The following GALR1 variants were observed in gnomAD, a reference collection of about 807,000 sequenced individuals.
The protein encoded by GALR1 is galanin receptor 1, also known as galanin receptor type 1.
A neutral mutation model predicts 17.9 loss-of-function variants in GALR1; 11 were observed. That is an observed-to-expected ratio of 0.62 (90% confidence interval 0.39 to 1.02). The LOEUF (loss-of-function observed/expected upper bound fraction) is 1.02, where lower values mean the gene tolerates loss of function less well. Among genes scored for constraint, GALR1 ranks in the 50% least tolerant of loss-of-function variants. The pLI is 0.01. For synonymous variants in GALR1, 206 were observed against 205.7 expected (o/e 1.00, Z -0.01); for missense variants, 441 against 456.9 (o/e 0.97, Z 0.32).
chr18:77,252,138 C>CT (rs1478651298), intron 1 of GALR1, among the ~76,000 whole-genome samples: 1 of 152,068 alleles, frequency 6.6e-6, no homozygotes, highest in Non-Finnish European at 1.5e-5. Context: ...CACTCACATT[C>CT]TTTTTCTCAT....
At chr18:77,267,586 G>C (rs1329831562) in intron 2 of GALR1, among the ~76,000 whole-genome samples, 1 of 152,214 alleles carries the variant, frequency 6.6e-6, no homozygotes, top group Non-Finnish European at 1.5e-5. Context: ...ACTTGTTAGA[G>C]AACCATCTGT....
Position 77,277,022 on chromosome 18 carries a change from T to C in GALR1, c.*8120T>C, listed in dbSNP as rs2144974531. On this transcript the variant is annotated 3_prime_UTR_variant, in exon 3 of 3. Transcript: ENST00000299727. ...TAAAATAGTACTCAAAATTGTTAGA[T>C]GTGAAGTTTTGAACCCAGTGTTTAA... The C allele has an allele frequency of 6.6e-6, 1 of 152,350 alleles. No homozygotes were observed. The highest frequency in any genetic ancestry group is 2.4e-5 in the African/African-American group (1 of 41,588). 9.4% of individuals were successfully genotyped at this position (152,350 alleles called of 1,614,324 possible). A position where few individuals can be genotyped will look rare whatever the true frequency, so the allele number is the denominator to read the frequency against.
At chr18:77,255,070 A>C (rs1484466478) in intron 1 of GALR1, among the ~76,000 whole-genome samples, 1 of 152,224 alleles carries the variant, frequency 6.6e-6, no homozygotes, top group Non-Finnish European at 1.5e-5. Flanking sequence ...CAATTCGATT[A>C]AATTATTTCC....
chr18:77,253,128 C>T (rs567688323), intron 1 of GALR1, among the ~76,000 whole-genome samples: 15 of 151,770 alleles, frequency 9.9e-5, no homozygotes, highest in African/African-American at 2.2e-4. Flanking sequence ...GGTTTATTAA[C>T]GTGGTCTTCC....
At position 77,251,117 on chromosome 18, in the gene GALR1, A is replaced by G. The variant is rs777281036; in HGVS notation, c.569A>G (p.Gln190Arg). ...AGCAACCAGACCTTCTGCTGGGAGC[A>G]GTGGCCCGACCCTCGCCACAAGAAG... ...RASNQTFCWE[Q>R]WPDPRHKKAY... The change falls in exon 1 of 3, where the codon CAG becomes CGG. Residue 190 changes from glutamine to arginine, a missense_variant. By Grantham distance (43) the Gln-to-Arg change is conservative. Coordinates refer to ENST00000299727, the MANE Select transcript of GALR1 (RefSeq NM_001480.4). 2.0e-5 allele frequency: 32 copies of G among 1,612,898 alleles called. No individual in the cohort carries two copies. The South Asian group carries it at 3.4e-4, about 17-fold the overall frequency.
chr18:77,255,135 C>G (rs1214012098), intron 1 of GALR1, among the ~76,000 whole-genome samples: 1 of 152,204 alleles, frequency 6.6e-6, no homozygotes, highest in African/African-American at 2.4e-5. Context: ...CCTTGAGAGA[C>G]TTCTCAGCAA....
chr18:77,258,579 GTCA>G (rs1325176644), intron 2 of GALR1, among the ~76,000 whole-genome samples: 4 of 140,094 alleles, frequency 2.9e-5, no homozygotes, highest in East Asian at 2.2e-4. Context: ...GGTGGTGGTG[GTCA>G]TGGTGGTGAT....
Position 77,271,532 on chromosome 18 carries a change from C to A in GALR1, c.*2630C>A. 1 of 152,272 alleles carries A rather than the reference C, an allele frequency of 6.6e-6. No individual in the cohort carries two copies. The highest frequency in any genetic ancestry group is 1.5e-5 in the Non-Finnish European group (1 of 68,016). The allele number at this position is 152,272 out of a possible 1,614,324, so 9.4% of individuals were successfully genotyped here. On this transcript the variant is annotated 3_prime_UTR_variant, in exon 3 of 3. Transcript: ENST00000299727. ...TTGCGTTTGCCAAGCATCTGCTTCCCAGCTAGATTTCCCCCTAATATACAA... is the reference window on the plus strand; with the variant it reads ...TTGCGTTTGCCAAGCATCTGCTTCCAAGCTAGATTTCCCCCTAATATACAA...
chr18:77,253,949 C>G (rs374159821), intron 1 of GALR1: 12 of 152,368 alleles, frequency 7.9e-5, no homozygotes, highest in African/African-American at 2.4e-4. Context: ...CCCAGTGCCC[C>G]CTGAAGAGCC....
Position 77,268,961 on chromosome 18 carries a change from A to T in GALR1, c.*59A>T. The T allele has an allele frequency of 7.9e-7, 1 of 1,273,336 alleles. No individual in the cohort carries two copies. The highest frequency in any genetic ancestry group is 1.1e-6 in the Non-Finnish European group (1 of 894,566). 78.9% of individuals were successfully genotyped at this position (1,273,336 alleles called of 1,614,324 possible). A position where few individuals can be genotyped will look rare whatever the true frequency, so the allele number is the denominator to read the frequency against. On this transcript the variant is annotated 3_prime_UTR_variant, in exon 3 of 3. Transcript: ENST00000299727. ...ATATAAGTGGACCAGACACAGAAAC[A>T]AACAGAATGAGCTAGTAAGCGATGC...
chr18:77,251,276 G>A (rs1352259728), intron 1 of GALR1, 62 bp downstream of exon 1: 5 of 1,535,750 alleles, frequency 3.3e-6, no homozygotes, highest in Middle Eastern at 3.9e-4. Flanking sequence ...GGGGGCCCTG[G>A]GGTCTCAGTG....
chr18:77,252,989 TCAC>T lies in GALR1; in HGVS notation c.666+1808_666+1810del, dbSNP rs1912497112. On this transcript the variant is annotated intron_variant, in intron 1 of 2. Coordinates refer to ENST00000299727, the MANE Select transcript of GALR1 (RefSeq NM_001480.4). Reference sequence around the variant, plus strand: ...ACCACCATCACCACCATCACCACCATCACCACCACCACCACCACCACCACCACC... The same window carrying T: ...ACCACCATCACCACCATCACCACCATCACCACCACCACCACCACCACCACC... Among the ~76,000 whole-genome samples, 92 of 24,924 alleles carry T rather than the reference TCAC, an allele frequency of 3.7e-3. 3 individuals are homozygous for T. The highest frequency in any genetic ancestry group is 8.9e-3 in the South Asian group (6 of 672). The allele number at this position is 24,924 out of a possible 152,430, so 16.4% of individuals were successfully genotyped here.
chr18:77,262,106 GCATGAGC>G (rs935220793), intron 2 of GALR1, among the ~76,000 whole-genome samples: 8 of 152,202 alleles, frequency 5.3e-5, no homozygotes, highest in Middle Eastern at 3.4e-3. Context: ...GGGATTACAG[GCATGAGC>G]CACTGTTATC....
At chr18:77,252,312 A>G (rs571876546) in intron 1 of GALR1, among the ~76,000 whole-genome samples, 26 of 152,270 alleles carry the variant, frequency 1.7e-4, no homozygotes, top group African/African-American at 6.0e-4. Flanking sequence ...GAGCATCGCC[A>G]TTTGAAATAC....
At position 77,250,584 on chromosome 18, in the gene GALR1, C is replaced by G. The variant is rs755295011; in HGVS notation, c.36C>G (p.Asn12Lys). 1.7e-4 allele frequency: 268 copies of G among 1,543,906 alleles called. 1 individual carries two copies. The Middle Eastern group carries it at 2.8e-3, about 16-fold the overall frequency. ...CGGTCGGGAACCTCAGCGAGGGCAA[C>G]GCGAGCTGGCCGGAGCCCCCCGCCC... is the stretch of plus-strand genomic sequence containing the variant. ...ELAVGNLSEG[N>K]ASWPEPPAPE... Residue 12 changes from asparagine (N) to lysine (K), a missense_variant, in exon 1 of 3, where the codon AAC becomes AAG. By Grantham distance (94) the Asn-to-Lys change is moderately conservative. Transcript: ENST00000299727.
At chr18:77,261,883 G>A (rs934047745) in intron 2 of GALR1, among the ~76,000 whole-genome samples, 1 of 152,132 alleles carries the variant, frequency 6.6e-6, no homozygotes, top group Non-Finnish European at 1.5e-5. Flanking sequence ...GGGTGCAGTG[G>A]TGTGATCATA....
chr18:77,277,382 T>A lies in GALR1; in HGVS notation c.*8480T>A, dbSNP rs1415935952. 1 of 152,178 alleles carries A rather than the reference T, an allele frequency of 6.6e-6. No individual in the cohort carries two copies. Among genetic ancestry groups the A allele is most frequent in the African/African-American group, 2.4e-5 (1 of 41,428 alleles). The allele number at this position is 152,178 out of a possible 1,614,324, so 9.4% of individuals were successfully genotyped here. A position where few individuals can be genotyped will look rare whatever the true frequency, so the allele number is the denominator to read the frequency against. On this transcript the variant is annotated 3_prime_UTR_variant, in exon 3 of 3. Coordinates refer to ENST00000299727, the MANE Select transcript of GALR1 (RefSeq NM_001480.4). The stretch of plus-strand genomic sequence containing the variant: ...CTTGCGATAGTGAGTTCTCAGGAGA[T>A]CTGATGGTTTTATAAGCATCTAGCA...
intron 2 of GALR1, among the ~76,000 whole-genome samples, chr18:77,259,004 CAGT>C (rs1912720844): frequency 6.2e-5 from 3 of 48,586 alleles, no homozygotes; most frequent in African/African-American, 2.3e-4. Context: ...GTGGTGGTCA[CAGT>C]GGTGGTGGTG....
chr18:77,258,693 G>GTGGGTGGTGATGGTGC, intron 2 of GALR1, among the ~76,000 whole-genome samples: 1 of 147,220 alleles, frequency 6.8e-6, no homozygotes, highest in South Asian at 2.2e-4. Context: ...GGTGATGGTG[G>GTGGGTGGTGATGGTGC]TGGTGGTCAT....
Sources: gnomAD v4.1 joint callset for allele counts (sites outside exome capture counted in the v4.1 genomes callset) on GRCh38, gnomAD v4.1.1 for gene constraint, MANE v1.5 for transcripts, NCBI Gene and HGNC (gene_info 2026-07-23, HGNC 2026-07-21) for gene names.